TGFA: variants seen among roughly 807,000 people sequenced by gnomAD.
TGFA encodes protransforming growth factor alpha.
In TGFA, 12 loss-of-function variants were observed where a neutral mutation model predicts 21.7. The ratio of observed to expected loss-of-function variants is 0.55; its 90% CI spans 0.35 to 0.90. The LOEUF (loss-of-function observed/expected upper bound fraction) is 0.90. TGFA is among the 40% of genes least tolerant of loss of function. The pLI is 0.01. For synonymous variants in TGFA, 79 were observed against 88.1 expected (o/e 0.90, Z 0.58); for missense variants, 178 against 210.8 (o/e 0.84, Z 0.96).
At chr2:70,464,050 C>T (rs1296412248) in intron 3 of TGFA, among the ~76,000 whole-genome samples, 2 of 152,174 alleles carry the variant, frequency 1.3e-5, no homozygotes, top group African/African-American at 4.8e-5. Context: ...CAGGTGAGGG[C>T]TCAGAGGCAC....
chr2:70,507,156 G>A (rs1328030437), intron 2 of TGFA, among the ~76,000 whole-genome samples: 7 of 152,324 alleles, frequency 4.6e-5, no homozygotes, highest in Admixed American at 6.5e-5. Context: ...AGAAACAGCC[G>A]TACTGCCTGA....
rs371636536 is a variant in TGFA, at chr2:70,457,499, G to A, written c.216-1011C>T. Among the ~76,000 whole-genome samples, 38 of 151,058 alleles carry A rather than the reference G, an allele frequency of 2.5e-4. No homozygotes were observed. In the South Asian group the frequency reaches 5.3e-3, roughly 21 times the overall value. On this transcript the variant is annotated intron_variant, in intron 3 of 5. Transcript: ENST00000295400. Reference sequence around the variant, plus strand: ...CTTTGTATAGAGTAACATTCTTATCGTCAATAGAAATCTAAGATCGCCACT... The same window carrying A: ...CTTTGTATAGAGTAACATTCTTATCATCAATAGAAATCTAAGATCGCCACT...
chr2:70,533,627 T>G (rs1177815993), intron 1 of TGFA, among the ~76,000 whole-genome samples: 8 of 152,208 alleles, frequency 5.3e-5, no homozygotes, highest in Non-Finnish European at 1.2e-4. Flanking sequence ...CTGGATAGGC[T>G]GCTGGTCTTG....
chr2:70,464,331 G>A (rs918779252), intron 3 of TGFA, among the ~76,000 whole-genome samples: 3 of 152,258 alleles, frequency 2.0e-5, no homozygotes, highest in African/African-American at 4.8e-5. Flanking sequence ...ACTTCAAACA[G>A]TACTTGACAT....
At chr2:70,477,541 C>T (rs1351471362) in intron 2 of TGFA, among the ~76,000 whole-genome samples, 1 of 152,198 alleles carries the variant, frequency 6.6e-6, no homozygotes, top group Non-Finnish European at 1.5e-5. Flanking sequence ...CCTTTTTCTC[C>T]TGAGAATAGA....
chr2:70,502,549 G>C (rs554704687), intron 2 of TGFA, among the ~76,000 whole-genome samples: 2 of 152,278 alleles, frequency 1.3e-5, no homozygotes, highest in African/African-American at 2.4e-5. Context: ...TTGAACTCCT[G>C]ACCTCGAGTG....
intron 1 of TGFA, among the ~76,000 whole-genome samples, chr2:70,521,732 C>T (rs141673008): frequency 0.011 from 1,665 of 149,228 alleles, 16 homozygotes; most frequent in Non-Finnish European, 0.015. Context: ...CTTCTGCCTC[C>T]GCCTCCCGAG....
In TGFA at chr2:70,515,439, C is replaced by A. The variant is rs1262231217; in HGVS notation, c.41-527G>T. On this transcript the variant is annotated intron_variant, in intron 1 of 5. Coordinates refer to ENST00000295400, the MANE Select transcript of TGFA (RefSeq NM_003236.4). ...CCCAGGGACAGAGTGTGTAAGGGAG[C>A]AAAGGACCCACTCCCTCTGGGGTTT... Among the ~76,000 whole-genome samples, 12 of 152,080 alleles carry A rather than the reference C, an allele frequency of 7.9e-5. 1 individual carries two copies. Among genetic ancestry groups the A allele is most frequent in the Admixed American group, 7.2e-4 (11 of 15,270 alleles).
chr2:70,489,704 T>C (rs1467268630), intron 2 of TGFA, among the ~76,000 whole-genome samples: 2 of 152,370 alleles, frequency 1.3e-5, no homozygotes, highest in Admixed American at 1.3e-4. Flanking sequence ...ACTCACTGTG[T>C]CTACCATGTA....
rs77493491 is a variant in TGFA, at chr2:70,482,888, C to G, written c.95-17152G>C. On this transcript the variant is annotated intron_variant, in intron 2 of 5. Coordinates refer to ENST00000295400, the MANE Select transcript of TGFA (RefSeq NM_003236.4). ...AGCCTGCTGGCACACCCAGGAGTCC[C>G]CCTTCTAGGTCAATGCGAATACATC... Among the ~76,000 whole-genome samples the G allele has an allele frequency of 3.1e-3, 479 of 152,276 alleles. 1 individual carries two copies. The highest frequency in any genetic ancestry group is 0.011 in the African/African-American group (456 of 41,560).
intron 1 of TGFA, among the ~76,000 whole-genome samples, chr2:70,515,203 C>A (rs1318958233): frequency 6.6e-6 from 1 of 152,136 alleles, no homozygotes; most frequent in Non-Finnish European, 1.5e-5. Context: ...TTTGTTTTTT[C>A]TTAACACCTT....
At chr2:70,497,350 G>A (rs1456822570) in intron 2 of TGFA, among the ~76,000 whole-genome samples, 2 of 152,098 alleles carry the variant, frequency 1.3e-5, no homozygotes, top group African/African-American at 4.8e-5. Context: ...TATTTTCTTT[G>A]CAACAAAGTA....
intron 2 of TGFA, among the ~76,000 whole-genome samples, chr2:70,469,688 AC>A (rs1389621190): frequency 1.3e-5 from 2 of 152,218 alleles, no homozygotes; most frequent in African/African-American, 4.8e-5. Context: ...GGCTTGTGTT[AC>A]ACAGAAGCAA....
intron 1 of TGFA, among the ~76,000 whole-genome samples, chr2:70,546,442 T>C (rs1445808569): frequency 2.0e-5 from 3 of 152,032 alleles, no homozygotes; most frequent in Non-Finnish European, 4.4e-5. Flanking sequence ...CAATAGACAG[T>C]TTTTCAACAC....
At chr2:70,459,204 C>T (rs544566537) in intron 3 of TGFA, among the ~76,000 whole-genome samples, 4 of 152,078 alleles carry the variant, frequency 2.6e-5, no homozygotes, top group Non-Finnish European at 4.4e-5. Flanking sequence ...AAAAACACTG[C>T]GATTTAACAC....
chr2:70,540,348 T>C (rs1313116293), intron 1 of TGFA, among the ~76,000 whole-genome samples: 8 of 152,218 alleles, frequency 5.3e-5, no homozygotes, highest in African/African-American at 1.9e-4. Context: ...CTTAGATCAA[T>C]GGAACAGAAC....
chr2:70,495,662 A>G (rs1553498238), intron 2 of TGFA, among the ~76,000 whole-genome samples: 1 of 152,194 alleles, frequency 6.6e-6, no homozygotes, highest in African/African-American at 2.4e-5. Flanking sequence ...ACTATTTTGA[A>G]GGTGATTCTC....
intron 2 of TGFA, among the ~76,000 whole-genome samples, chr2:70,500,685 G>C (rs1671712968): frequency 6.6e-6 from 1 of 152,124 alleles, no homozygotes; most frequent in Admixed American, 6.5e-5. Flanking sequence ...CAGACTGTCT[G>C]GTGCTACCTC....
intron 2 of TGFA, among the ~76,000 whole-genome samples, chr2:70,504,156 G>C (rs1009678298): frequency 6.6e-6 from 1 of 151,970 alleles, no homozygotes; most frequent in East Asian, 1.9e-4. Context: ...ACTCATGCCT[G>C]TAATCCCAAC....
Sources: allele counts gnomAD v4.1 joint callset (sites outside exome capture counted in the v4.1 genomes callset), GRCh38; gene constraint gnomAD v4.1.1; transcripts MANE v1.5; gene names NCBI Gene and HGNC (gene_info 2026-07-23, HGNC 2026-07-21).